CACNA1I: variants seen among roughly 807,000 people sequenced by gnomAD.
CACNA1I encodes the protein calcium voltage-gated channel subunit alpha1 I.
Under a neutral mutation model 201.6 loss-of-function variants are expected in CACNA1I, and 74 were observed. That is an observed-to-expected ratio of 0.37 (90% CI 0.30 to 0.45). The LOEUF (loss-of-function observed/expected upper bound fraction) is 0.45. Ranked by LOEUF, CACNA1I falls within the 20% of genes least tolerant of loss-of-function variation. The pLI is 1.00. For synonymous variants in CACNA1I, 1,431 were observed against 1,345.2 expected (o/e 1.06, Z -1.40); for missense variants, 2,346 against 3,138.1 (o/e 0.75, Z 6.03).
At chr22:39,606,510 T>G (rs964939725) in intron 3 of CACNA1I, among the ~76,000 whole-genome samples, 3 of 152,208 alleles carry the variant, frequency 2.0e-5, no homozygotes, top group Non-Finnish European at 2.9e-5. Context: ...TCTCTATTTG[T>G]GTTTGGTTGA....
intron 4 of CACNA1I, among the ~76,000 whole-genome samples, chr22:39,628,837 G>A (rs975804829): frequency 7.2e-5 from 11 of 152,098 alleles, no homozygotes; most frequent in African/African-American, 1.7e-4. Context: ...CCCTCGCCCC[G>A]ACTCCACTCT....
intron 3 of CACNA1I, among the ~76,000 whole-genome samples, chr22:39,610,807 C>G (rs1933365786): frequency 2.0e-5 from 3 of 152,188 alleles, no homozygotes; most frequent in Admixed American, 6.5e-5. Context: ...TGGTGGCAGG[C>G]AGCTCGGGGC....
intron 23 of CACNA1I, among the ~76,000 whole-genome samples, chr22:39,667,574 C>A (rs563215132): frequency 6.6e-6 from 1 of 152,160 alleles, no homozygotes; most frequent in East Asian, 1.9e-4. Context: ...TTACTGAGCA[C>A]CTGCTGTGTG....
chr22:39,677,302 G>A lies in CACNA1I; in HGVS notation c.4855-39G>A, dbSNP rs760981375. ...TCCCAGGCCTGGTGCGCCCCCACCC[G>A]CTCCCCAGCCCCACCCGGCCTCACC... is the stretch of plus-strand genomic sequence containing the variant. On this transcript the variant is annotated intron_variant, in intron 29 of 36. Transcript: ENST00000402142. This position sits in a 1 kb window ranked among gnomAD's most constrained non-coding sequence, Gnocchi z 4.8. 20 of 1,187,784 alleles carry A rather than the reference G, an allele frequency of 1.7e-5. No individual in the cohort carries two copies. The highest frequency in any genetic ancestry group is 2.3e-4 in the Middle Eastern group (1 of 4,440). 73.6% of individuals were successfully genotyped at this position (1,187,784 alleles called of 1,614,324 possible).
At position 39,602,352 on chromosome 22, in the gene CACNA1I, G is replaced by T. The variant is rs946645637; in HGVS notation, c.482+1699G>T. On this transcript the variant is annotated intron_variant, in intron 3 of 36. Transcript: ENST00000402142. ...AGCCTCCCAAAGTGCTGGGATTACA[G>T]GTGTGAGCCACCGCACCTGGCCTCT... 2.6e-5 allele frequency among the ~76,000 whole-genome samples: 4 copies of T among 151,874 alleles called. No homozygotes were observed. In the East Asian group the frequency reaches 7.9e-4, roughly 30 times the overall value.
At chr22:39,678,466 T>TGGCCTGGGCTGCAACCC (rs1385307933) in intron 31 of CACNA1I, among the ~76,000 whole-genome samples, 1 of 152,096 alleles carries the variant, frequency 6.6e-6, no homozygotes, top group Non-Finnish European at 1.5e-5. Context: ...AGAGGCTCCC[T>TGGCCTGGGCTGCAACCC]GGCCTGGGCT....
At chr22:39,616,063 G>A (rs1006298580) in intron 3 of CACNA1I, among the ~76,000 whole-genome samples, 39 of 152,342 alleles carry the variant, frequency 2.6e-4, no homozygotes, top group Admixed American at 2.3e-3. Flanking sequence ...AATGTTTGCC[G>A]CAGACATAGA....
At position 39,646,520 on chromosome 22, in the gene CACNA1I, C is replaced by T. The variant is rs192296131; in HGVS notation, c.1150-49C>T. On this transcript the variant is annotated intron_variant, in intron 7 of 36. Transcript: ENST00000402142. ...GACTCTGCCTCTCTCACCCTTCTGTCCCCTCCATCCCTGTCCCTGTCCCTG... is the reference window on the plus strand; with the variant it reads ...GACTCTGCCTCTCTCACCCTTCTGTTCCCTCCATCCCTGTCCCTGTCCCTG... 723 of 1,495,576 alleles carry T rather than the reference C, an allele frequency of 4.8e-4. 6 individuals carry two copies. In the African/African-American group the frequency reaches 8.7e-3, roughly 18 times the overall value. The allele number at this position is 1,495,576 out of a possible 1,614,324, so 92.6% of individuals were successfully genotyped here.
rs1021925154 is a variant in CACNA1I, at chr22:39,678,126, G to A, written c.5055+18G>A. On this transcript the variant is annotated intron_variant, in intron 31 of 36. Coordinates refer to ENST00000402142, the MANE Select transcript of CACNA1I (RefSeq NM_021096.4). ...TCATGAAGGTACTCCTGGGCGGGCT[G>A]GGGTGGAGAAATCAGCCAGGTGCTG... The A allele has an allele frequency of 2.5e-6, 4 of 1,607,734 alleles. No individual in the cohort carries two copies. The highest frequency in any genetic ancestry group is 3.4e-6 in the Non-Finnish European group (4 of 1,176,372).
intron 4 of CACNA1I, among the ~76,000 whole-genome samples, chr22:39,621,305 C>T (rs748395021): frequency 6.6e-6 from 1 of 152,224 alleles, no homozygotes; most frequent in Non-Finnish European, 1.5e-5. Context: ...CCAAAGAGTA[C>T]AGGTCTCCTG....
intron 34 of CACNA1I, 59 bp downstream of exon 34, chr22:39,681,111 C>T: frequency 6.5e-7 from 1 of 1,544,682 alleles, no homozygotes; most frequent in Non-Finnish European, 8.7e-7. Context: ...TGGCCCCTGC[C>T]CACCCAGGCA....
chr22:39,685,690 G>C lies in CACNA1I; in HGVS notation c.6028-71G>C. 4 of 1,273,760 alleles carry C rather than the reference G, an allele frequency of 3.1e-6. No homozygotes were observed. The highest frequency in any genetic ancestry group is 4.1e-6 in the Non-Finnish European group (4 of 980,922). The allele number at this position is 1,273,760 out of a possible 1,614,324, so 78.9% of individuals were successfully genotyped here. A position where few individuals can be genotyped will look rare whatever the true frequency, so the allele number is the denominator to read the frequency against. ...GTCTGCCTGCTGCCTGCTGTGCGGG[G>C]GAGGGCGGCGTCCAGGTTGCTGGGG... is the stretch of plus-strand genomic sequence containing the variant. On this transcript the variant is annotated intron_variant, in intron 36 of 36. Coordinates refer to ENST00000402142, the MANE Select transcript of CACNA1I (RefSeq NM_021096.4). This position sits in a 1 kb window ranked among gnomAD's most constrained non-coding sequence, Gnocchi z 5.0.
At chr22:39,673,238 G>T (rs2146467901) in intron 28 of CACNA1I, among the ~76,000 whole-genome samples, 156 bp downstream of exon 28, 1 of 152,142 alleles carries the variant, frequency 6.6e-6, no homozygotes, top group Middle Eastern at 3.4e-3. Flanking sequence ...GTGAGAAGGA[G>T]CTGGGAGGCA....
At chr22:39,600,415 C>T (rs997896731) in intron 2 of CACNA1I, 105 bp from the exon 3 acceptor site, 11 of 902,624 alleles carry the variant, frequency 1.2e-5, no homozygotes, top group Admixed American at 2.4e-5. Context: ...TTTCCCAGGC[C>T]CCTTGCATCC....
rs1214123868 is a variant in CACNA1I, at chr22:39,649,022, C to T, written c.1568-479C>T. Among the ~76,000 whole-genome samples the T allele has an allele frequency of 2.6e-5, 4 of 152,204 alleles. No individual in the cohort carries two copies. Among genetic ancestry groups the T allele is most frequent in the South Asian group, 2.1e-4 (1 of 4,834 alleles). ...TGGGAAGCAAACCTCACCCCTTCCC[C>T]GCTCCCCACCTGCTGTATAGGCAGG... is the stretch of plus-strand genomic sequence containing the variant. On this transcript the variant is annotated intron_variant, in intron 9 of 36. Coordinates refer to ENST00000402142, the MANE Select transcript of CACNA1I (RefSeq NM_021096.4). The surrounding 1 kb of genome is among the most constrained non-coding windows in gnomAD (Gnocchi z 7.3).
At chr22:39,679,606 T>C in intron 32 of CACNA1I, 116 bp from the exon 33 acceptor site, 1 of 1,140,992 alleles carries the variant, frequency 8.8e-7, no homozygotes, top group Non-Finnish European at 1.2e-6. Context: ...AGGGGGTCGG[T>C]CCCAGGCCAT....
intron 4 of CACNA1I, among the ~76,000 whole-genome samples, chr22:39,626,853 A>G (rs143733529): frequency 6.6e-6 from 1 of 152,296 alleles, no homozygotes; most frequent in African/African-American, 2.4e-5. Context: ...ATAAGTGGCT[A>G]AAGTTTATCA....
chr22:39,662,007 G>A lies in CACNA1I; in HGVS notation c.2944G>A (p.Ala982Thr), dbSNP rs1789385947. Residue 982 changes from alanine to threonine, a missense_variant, in exon 17 of 37, where the codon GCG (alanine) becomes ACG (threonine). Around this residue, in one of 13 missense-constraint regions of CACNA1I, gnomAD observed 288 missense variants for 255.2 expected, o/e 1.13. Transcript: ENST00000402142. ...CTACTACGGGCCATGGGGCCGCAGC[G>A]CGGCCTGGGCCAGCCGTCGCTCCAG... Reference protein sequence around the residue: ...SSYYGPWGRSAAWASRRSSWN... With the variant: ...SSYYGPWGRSTAWASRRSSWN... 1.3e-6 allele frequency: 2 copies of A among 1,562,910 alleles called. No individual in the cohort carries two copies. Among genetic ancestry groups the A allele is most frequent in the Non-Finnish European group, 1.7e-6 (2 of 1,159,452 alleles).
chr22:39,626,724 G>A (rs1483577799), intron 4 of CACNA1I, among the ~76,000 whole-genome samples: 5 of 152,164 alleles, frequency 3.3e-5, no homozygotes, highest in African/African-American at 1.2e-4. Flanking sequence ...AGCCTCCTGA[G>A]TAGCTGGGAC....
Sources: gnomAD v4.1 joint callset for allele counts (sites outside exome capture counted in the v4.1 genomes callset) on GRCh38, gnomAD v4.1.1 for gene constraint, gnomAD v4.1.1 regional missense constraint, Gnocchi (gnomAD v3.1) non-coding constraint, MANE v1.5 for transcripts, NCBI Gene and HGNC (gene_info 2026-07-23, HGNC 2026-07-21) for gene names.